PRICKLE1: variants seen among roughly 807,000 people sequenced by gnomAD.
PRICKLE1 encodes the protein prickle-like protein 1.
In PRICKLE1, 14 loss-of-function variants were observed where a neutral mutation model predicts 70.2. That is an observed-to-expected ratio of 0.20 (90% CI 0.13 to 0.31). PRICKLE1 has a LOEUF of 0.31. Among genes scored for constraint, PRICKLE1 ranks in the 10% least tolerant of loss-of-function variants. The pLI is 1.00. For synonymous variants in PRICKLE1, 357 were observed against 379.9 expected, an observed-to-expected ratio of 0.94 and a Z score of 0.70; for missense variants, 821 against 1,026.2, an observed-to-expected ratio of 0.80 and a Z score of 2.73.
rs182902189 is a variant in PRICKLE1 at position 42,458,738 on chromosome 12, C to T, written c.*1071G>A. On this transcript the variant is annotated 3_prime_UTR_variant, in exon 8 of 8. Transcript: ENST00000345127. Reference sequence around the variant, plus strand: ...TTCCCATGAGATAATCATCACCTTGCTGAAAATGAGAAAGGCACCCCCCGC... The same window carrying T: ...TTCCCATGAGATAATCATCACCTTGTTGAAAATGAGAAAGGCACCCCCCGC... 6.6e-6 allele frequency: 1 copy of T among 152,346 alleles called. No homozygotes were observed. Among genetic ancestry groups the T allele is most frequent in the East Asian group, 1.9e-4 (1 of 5,190 alleles). 9.4% of individuals were successfully genotyped at this position (152,346 alleles called of 1,614,324 possible).
In PRICKLE1 at chr12:42,460,159, T is replaced by C; in HGVS notation, c.2146A>G (p.Lys716Glu). 6.2e-7 allele frequency: 1 copy of C among 1,614,062 alleles called. No homozygotes were observed. ...PDNYEKFIQN[K>E]SAREIQAYIQ... The stretch of plus-strand genomic sequence containing the variant: ...TATGCTTGGATCTCCCGGGCACTTT[T>C]ATTCTGTATAAATTTCTCATAGTTA... Residue 716 changes from lysine (K) to glutamate (E), a missense_variant, in exon 8 of 8, where the codon AAA becomes GAA. Transcript: ENST00000345127.
chr12:42,560,144 T>C (rs1033081630), intron 1 of PRICKLE1, among the ~76,000 whole-genome samples: 14 of 124,546 alleles, frequency 1.1e-4, no homozygotes, highest in Non-Finnish European at 2.3e-4. Flanking sequence ...ATTATTATTA[T>C]TATTATTTTT....
chr12:42,465,159 G>C lies in PRICKLE1; in HGVS notation c.875C>G (p.Pro292Arg). ...AATCTGACCCTGTTTGGGAAGGAAGGGACATCCCAACAAAGAGGCTTTACA... is the reference window on the plus strand; with the variant it reads ...AATCTGACCCTGTTTGGGAAGGAAGCGACATCCCAACAAAGAGGCTTTACA... ...AQCKASLLGC[P>R]FLPKQGQIYC... Residue 292 changes from proline to arginine, a missense_variant, in exon 7 of 8, where the codon CCC becomes CGC. By Grantham distance (103) the Pro-to-Arg change is moderately radical. Coordinates refer to ENST00000345127, the MANE Select transcript of PRICKLE1 (RefSeq NM_153026.3). The C allele has an allele frequency of 6.3e-7, 1 of 1,593,756 alleles. No homozygotes were observed. Among genetic ancestry groups the C allele is most frequent in the Non-Finnish European group, 8.5e-7 (1 of 1,173,942 alleles).
At position 42,589,742 on chromosome 12, in the gene PRICKLE1, A is replaced by AGTGCGCTCGGGCTCCGGAGCC. The variant is rs1566139014; in HGVS notation, c.-327_-326insGGCTCCGGAGCCCGAGCGCAC. On this transcript the variant is annotated 5_prime_UTR_variant, in exon 1 of 8. Coordinates refer to ENST00000345127, the MANE Select transcript of PRICKLE1 (RefSeq NM_153026.3). This position sits in a 1 kb window ranked among gnomAD's most constrained non-coding sequence, Gnocchi z 5.0. ...GCGCTGGCAGCTGGGCTGCAGGCGGAGTGCGCTCGGGCTCCGGAGCCGCGC... is the reference window on the plus strand; with the variant it reads ...GCGCTGGCAGCTGGGCTGCAGGCGGAGTGCGCTCGGGCTCCGGAGCCGTGCGCTCGGGCTCCGGAGCCGCGC... 6.8e-6 allele frequency: 1 copy of AGTGCGCTCGGGCTCCGGAGCC among 148,054 alleles called. No individual in the cohort carries two copies. The highest frequency in any genetic ancestry group is 1.5e-5 in the Non-Finnish European group (1 of 66,634). The allele number at this position is 148,054 out of a possible 1,614,324, so 9.2% of individuals were successfully genotyped here. A position where few individuals can be genotyped will look rare whatever the true frequency, so the allele number is the denominator to read the frequency against.
intron 1 of PRICKLE1, among the ~76,000 whole-genome samples, chr12:42,579,204 C>G (rs1280953384): frequency 2.6e-5 from 4 of 152,160 alleles, no homozygotes; most frequent in African/African-American, 9.7e-5. Context: ...TTGGGGAGTG[C>G]TAGATGGTGA....
intron 1 of PRICKLE1, among the ~76,000 whole-genome samples, chr12:42,575,483 T>A (rs1302390494): frequency 6.6e-6 from 1 of 152,010 alleles, no homozygotes; most frequent in East Asian, 1.9e-4. Flanking sequence ...TCACCTGAGG[T>A]CAGGAGTTCG....
At chr12:42,561,313 A>T (rs1044476411) in intron 1 of PRICKLE1, among the ~76,000 whole-genome samples, 7 of 152,206 alleles carry the variant, frequency 4.6e-5, no homozygotes, top group African/African-American at 7.2e-5. Flanking sequence ...GGCATTTTTC[A>T]CTAATAGACC....
chr12:42,473,928 T>G (rs17454476), intron 1 of PRICKLE1, among the ~76,000 whole-genome samples: 7,632 of 152,318 alleles, frequency 0.05, 239 homozygotes, highest in Non-Finnish European at 0.073. Flanking sequence ...TTTCAGTGAC[T>G]ATCTCAATTC....
chr12:42,469,559 T>A lies in PRICKLE1; in HGVS notation c.275A>T (p.Glu92Val). 1 of 1,614,172 alleles carries A rather than the reference T, an allele frequency of 6.2e-7. No individual in the cohort carries two copies. The highest frequency in any genetic ancestry group is 8.5e-7 in the Non-Finnish European group (1 of 1,180,042). The change falls in exon 4 of 8, where the codon GAG (glutamate) becomes GTG (valine). Residue 92 changes from glutamate to valine, a missense_variant. Coordinates refer to ENST00000345127, the MANE Select transcript of PRICKLE1 (RefSeq NM_153026.3). ...GAACACCTGCAACTCTTTTTTCTCC[T>A]CTTCACTCAAAGACTGGCAATACCG... The part of the protein sequence containing the change: ...EVRYCQSLSE[E>V]EKKELQVFSA...
At chr12:42,531,577 G>C (rs1267221102) in intron 1 of PRICKLE1, among the ~76,000 whole-genome samples, 2 of 152,116 alleles carry the variant, frequency 1.3e-5, no homozygotes, top group Non-Finnish European at 2.9e-5. Flanking sequence ...TAAACTAAAA[G>C]GTGTGTAGTT....
At chr12:42,518,117 TG>T (rs1939641670) in intron 1 of PRICKLE1, among the ~76,000 whole-genome samples, 1 of 151,886 alleles carries the variant, frequency 6.6e-6, no homozygotes, top group African/African-American at 2.4e-5. Context: ...TTTTTTTTTT[TG>T]AAACAGGTCT....
intron 1 of PRICKLE1, among the ~76,000 whole-genome samples, chr12:42,553,052 T>C (rs1940347518): frequency 6.6e-6 from 1 of 152,192 alleles, no homozygotes; most frequent in African/African-American, 2.4e-5. Flanking sequence ...GCCCGGTTCC[T>C]AACAGGACAA....
intron 1 of PRICKLE1, among the ~76,000 whole-genome samples, chr12:42,548,505 G>C (rs909715989): frequency 1.3e-5 from 2 of 152,204 alleles, no homozygotes; most frequent in Non-Finnish European, 2.9e-5. Context: ...ATCTAGAAGG[G>C]GGTTGAAGGC....
intron 1 of PRICKLE1, among the ~76,000 whole-genome samples, chr12:42,561,387 A>G (rs1940510713): frequency 6.6e-6 from 1 of 152,132 alleles, no homozygotes; most frequent in Non-Finnish European, 1.5e-5. Context: ...TGATTACTCC[A>G]CCCAAGTTTT....
chr12:42,465,321 G>A, intron 6 of PRICKLE1, 63 bp from the exon 7 acceptor site: 5 of 1,503,006 alleles, frequency 3.3e-6, no homozygotes, highest in Non-Finnish European at 4.6e-6. Flanking sequence ...AAGGTATAAG[G>A]AAGAAACGAA....
intron 1 of PRICKLE1, among the ~76,000 whole-genome samples, chr12:42,529,612 A>G (rs536478630): frequency 6.6e-6 from 1 of 152,286 alleles, no homozygotes; most frequent in Non-Finnish European, 1.5e-5. Context: ...AAAAGTTAAG[A>G]AGGCCGGTGC....
chr12:42,587,651 T>G (rs1349443765), intron 1 of PRICKLE1, among the ~76,000 whole-genome samples: 1 of 152,268 alleles, frequency 6.6e-6, no homozygotes, highest in Admixed American at 6.5e-5. Context: ...TGCTGTATTT[T>G]GCTTTCTTCA....
intron 1 of PRICKLE1, among the ~76,000 whole-genome samples, chr12:42,543,044 G>A (rs74552943): frequency 1.3e-5 from 2 of 152,132 alleles, no homozygotes; most frequent in African/African-American, 4.8e-5. Flanking sequence ...ACTGCGACAG[G>A]CATCATTTAT....
At chr12:42,499,489 C>T (rs1330194057) in intron 1 of PRICKLE1, among the ~76,000 whole-genome samples, 4 of 144,702 alleles carry the variant, frequency 2.8e-5, no homozygotes, top group African/African-American at 1.0e-4. Context: ...GGTACGATCT[C>T]AGCTGACTGT....
Sources: gnomAD v4.1 joint callset for allele counts (sites outside exome capture counted in the v4.1 genomes callset) on GRCh38, gnomAD v4.1.1 for gene constraint, Gnocchi (gnomAD v3.1) non-coding constraint, MANE v1.5 for transcripts, NCBI Gene and HGNC (gene_info 2026-07-23, HGNC 2026-07-21) for gene names.